The following CTIF variants were observed in gnomAD, a reference collection of about 807,000 sequenced individuals.
CTIF encodes the protein cap binding complex dependent translation initiation factor.
In CTIF, 21 loss-of-function variants were observed where a neutral mutation model predicts 66.0. That is an observed-to-expected ratio of 0.32 (90% CI 0.23 to 0.46). The LOEUF is 0.46. CTIF is among the 20% of genes least tolerant of loss of function. The pLI is 1.00. For synonymous variants in CTIF, 345 were observed against 326.4 expected (o/e 1.06, Z -0.62); for missense variants, 739 against 812.7 (o/e 0.91, Z 1.10).
At chr18:48,580,863 C>A (rs1405831164) in intron 1 of CTIF, among the ~76,000 whole-genome samples, 1 of 152,236 alleles carries the variant, frequency 6.6e-6, no homozygotes, top group Admixed American at 6.5e-5. Context: ...AAGTCCCCTG[C>A]CTGGCAGGAT....
At chr18:48,624,603 G>A (rs1322183570) in intron 2 of CTIF, among the ~76,000 whole-genome samples, 8 of 152,190 alleles carry the variant, frequency 5.3e-5, no homozygotes, top group Non-Finnish European at 8.8e-5. Context: ...ATGCAACTCT[G>A]AGCGAGCATG....
At chr18:48,568,768 A>T (rs752364908) in intron 1 of CTIF, among the ~76,000 whole-genome samples, 7 of 151,842 alleles carry the variant, frequency 4.6e-5, no homozygotes, top group Non-Finnish European at 1.0e-4. Flanking sequence ...GGCGGCAGGC[A>T]AAAGAGTGTG....
At chr18:48,734,889 T>C (rs571548430) in intron 7 of CTIF, among the ~76,000 whole-genome samples, 1 of 152,356 alleles carries the variant, frequency 6.6e-6, no homozygotes, top group Non-Finnish European at 1.5e-5. Flanking sequence ...GATTAAGATA[T>C]ACTGAACAAT....
In CTIF at chr18:48,648,751, T is replaced by C. The variant is rs529250886; in HGVS notation, c.252+12066T>C. Among the ~76,000 whole-genome samples, 79 of 152,280 alleles carry C rather than the reference T, an allele frequency of 5.2e-4. 1 individual carries two copies. The South Asian group carries it at 0.015, about 30-fold the overall frequency. On this transcript the variant is annotated intron_variant, in intron 3 of 11. Coordinates refer to ENST00000256413, the MANE Select transcript of CTIF (RefSeq NM_014772.3). ...GTAATGTAAAAGCCCTCATAGTGTC[T>C]CTCATATATTCCAATATAGAGTCAC...
intron 10 of CTIF, among the ~76,000 whole-genome samples, chr18:48,832,163 C>T (rs951136134): frequency 2.4e-5 from 3 of 123,238 alleles, no homozygotes; most frequent in East Asian, 4.0e-4. Context: ...GTCTGGAAAA[C>T]GTGGTCCTTC....
chr18:48,769,928 A>G (rs148073835), intron 9 of CTIF, among the ~76,000 whole-genome samples: 3 of 152,308 alleles, frequency 2.0e-5, no homozygotes, highest in Admixed American at 6.5e-5. Flanking sequence ...TCAAGGACCC[A>G]GGTGGGATAC....
intron 7 of CTIF, among the ~76,000 whole-genome samples, chr18:48,721,199 A>C (rs773143323): frequency 1.3e-5 from 2 of 152,148 alleles, no homozygotes; most frequent in Non-Finnish European, 2.9e-5. Flanking sequence ...AGGGAGACCC[A>C]ATGACAAGAA....
intron 6 of CTIF, among the ~76,000 whole-genome samples, chr18:48,702,839 A>G (rs903786664): frequency 2.6e-5 from 4 of 151,886 alleles, no homozygotes; most frequent in African/African-American, 9.7e-5. Context: ...AACATTACCT[A>G]TTTATTTCTG....
chr18:48,830,765 C>T (rs1477412041), intron 10 of CTIF, among the ~76,000 whole-genome samples: 4 of 149,162 alleles, frequency 2.7e-5, no homozygotes, highest in African/African-American at 9.9e-5. Flanking sequence ...CCTGTCCCCC[C>T]ACCACTGTCC....
chr18:48,681,061 ACT>A (rs1174757547), intron 6 of CTIF, among the ~76,000 whole-genome samples: 1 of 152,076 alleles, frequency 6.6e-6, no homozygotes, highest in African/African-American at 2.4e-5. Flanking sequence ...GGACACACTG[ACT>A]CTTACTGGCT....
chr18:48,655,200 GA>G (rs1454435271), intron 3 of CTIF, among the ~76,000 whole-genome samples: 2 of 151,414 alleles, frequency 1.3e-5, no homozygotes, highest in Admixed American at 6.6e-5. Context: ...AGCAACTCGG[GA>G]GGTTGAGGCA....
chr18:48,802,088 C>T (rs2068059853), intron 9 of CTIF, among the ~76,000 whole-genome samples: 1 of 152,208 alleles, frequency 6.6e-6, no homozygotes, highest in African/African-American at 2.4e-5. Context: ...GATAAGGATG[C>T]AGAGGCACGG....
chr18:48,759,836 T>C (rs371845838), intron 8 of CTIF, among the ~76,000 whole-genome samples: 4 of 152,154 alleles, frequency 2.6e-5, no homozygotes, highest in African/African-American at 9.7e-5. Context: ...ATAGCACCTA[T>C]AGATCAGTTT....
At chr18:48,798,631 C>A (rs1378427213) in intron 9 of CTIF, among the ~76,000 whole-genome samples, 2 of 152,208 alleles carry the variant, frequency 1.3e-5, no homozygotes, top group African/African-American at 4.8e-5. Flanking sequence ...TGCACCCCCA[C>A]CTGCAGGCCT....
At chr18:48,699,577 T>G (rs550615081) in intron 6 of CTIF, among the ~76,000 whole-genome samples, 1 of 152,278 alleles carries the variant, frequency 6.6e-6, no homozygotes, top group East Asian at 1.9e-4. Context: ...AGGATGGTTT[T>G]GGGGTTTGGG....
intron 9 of CTIF, among the ~76,000 whole-genome samples, chr18:48,772,308 A>G (rs57592070): frequency 0.02 from 2,983 of 152,238 alleles, 88 homozygotes; most frequent in African/African-American, 0.068. Flanking sequence ...TTGGCAAATT[A>G]TTATTGCAGT....
At chr18:48,824,981 T>C (rs1357318894) in intron 10 of CTIF, among the ~76,000 whole-genome samples, 1 of 152,058 alleles carries the variant, frequency 6.6e-6, no homozygotes, top group African/African-American at 2.4e-5. Context: ...GCGCCTGTTT[T>C]CCTCCACTTC....
chr18:48,753,044 G>A (rs1907991748), intron 7 of CTIF, among the ~76,000 whole-genome samples: 1 of 152,196 alleles, frequency 6.6e-6, no homozygotes, highest in East Asian at 1.9e-4. Flanking sequence ...TGGTGCCTGT[G>A]CCTCCGAGCC....
At chr18:48,631,958 T>C (rs1326306379) in intron 2 of CTIF, among the ~76,000 whole-genome samples, 1 of 152,140 alleles carries the variant, frequency 6.6e-6, no homozygotes, top group Non-Finnish European at 1.5e-5. Flanking sequence ...TCTTGACTCA[T>C]CTCCTATAGA....
Sources: gnomAD v4.1 joint callset for allele counts (sites outside exome capture counted in the v4.1 genomes callset) on GRCh38, gnomAD v4.1.1 for gene constraint, MANE v1.5 for transcripts, NCBI Gene and HGNC (gene_info 2026-07-23, HGNC 2026-07-21) for gene names.